RIPOR2: variants seen among roughly 807,000 people sequenced by gnomAD.
RIPOR2 encodes the protein rho family-interacting cell polarization regulator 2.
In RIPOR2, 39 loss-of-function variants were observed where a neutral mutation model predicts 114.5. The observed-to-expected ratio is 0.34, with a 90% CI of 0.26 to 0.44. The LOEUF (loss-of-function observed/expected upper bound fraction) is 0.44. RIPOR2 is among the 20% of genes least tolerant of loss of function. The pLI, the probability that RIPOR2 is intolerant of heterozygous loss-of-function variation, is 1.00. For missense variants in RIPOR2, 1,007 were observed against 1,255.1 expected, an observed-to-expected ratio of 0.80 and a Z score of 2.99; for synonymous variants, 445 against 484.4, an observed-to-expected ratio of 0.92 and a Z score of 1.07.
intron 10 of RIPOR2, among the ~76,000 whole-genome samples, chr6:24,850,241 C>G (rs1762742735): frequency 6.6e-6 from 1 of 151,818 alleles, no homozygotes; most frequent in African/African-American, 2.4e-5. Flanking sequence ...GGACTACAGG[C>G]ACACGGACCA....
intron 1 of RIPOR2, among the ~76,000 whole-genome samples, chr6:24,996,671 G>T (rs1239598708): frequency 6.6e-6 from 1 of 152,206 alleles, no homozygotes; most frequent in African/African-American, 2.4e-5. Flanking sequence ...ACACCCAGGT[G>T]AGAGGCTTCT....
chr6:24,981,069 C>T (rs1407633469), intron 1 of RIPOR2, among the ~76,000 whole-genome samples: 1 of 152,140 alleles, frequency 6.6e-6, no homozygotes, highest in Admixed American at 6.5e-5. Flanking sequence ...GTTGCCACTG[C>T]TTTTGCTCTC....
chr6:24,933,487 G>A (rs1448051053), intron 1 of RIPOR2, among the ~76,000 whole-genome samples: 1 of 151,834 alleles, frequency 6.6e-6, no homozygotes. Context: ...AGCTGGACAT[G>A]CTTTCACATA....
At chr6:24,882,531 T>C (rs1401719836) in intron 1 of RIPOR2, among the ~76,000 whole-genome samples, 3 of 152,212 alleles carry the variant, frequency 2.0e-5, no homozygotes, top group Non-Finnish European at 2.9e-5. Flanking sequence ...TATGATTCAG[T>C]ACATTATTTT....
chr6:24,971,772 T>C (rs1773799103), intron 1 of RIPOR2, among the ~76,000 whole-genome samples: 1 of 152,244 alleles, frequency 6.6e-6, no homozygotes, highest in Non-Finnish European at 1.5e-5. Context: ...CCTTGAGCAC[T>C]GAACTCCAAA....
intron 7 of RIPOR2, among the ~76,000 whole-genome samples, chr6:24,862,493 A>G (rs915130092): frequency 4.6e-5 from 7 of 152,196 alleles, no homozygotes; most frequent in Admixed American, 1.3e-4. Flanking sequence ...CTCTCATGGG[A>G]TGCAAAGAGA....
intron 8 of RIPOR2, among the ~76,000 whole-genome samples, chr6:24,856,061 A>G (rs1763442435): frequency 6.6e-6 from 1 of 152,152 alleles, no homozygotes; most frequent in Non-Finnish European, 1.5e-5. Context: ...GTAAGTTGAG[A>G]GTCTTAAATG....
At chr6:24,882,913 C>CGGA (rs1766486603) in intron 1 of RIPOR2, among the ~76,000 whole-genome samples, 1 of 152,102 alleles carries the variant, frequency 6.6e-6, no homozygotes, top group Non-Finnish European at 1.5e-5. Flanking sequence ...ATTACATGTG[C>CGGA]CTTTTATTTC....
intron 1 of RIPOR2, among the ~76,000 whole-genome samples, chr6:25,018,929 T>G (rs950343537): frequency 1.3e-5 from 2 of 152,206 alleles, no homozygotes; most frequent in Admixed American, 1.3e-4. Context: ...TCATGAGGAC[T>G]GCAAAATAGT....
At chr6:25,031,868 C>A (rs1777000658) in intron 1 of RIPOR2, among the ~76,000 whole-genome samples, 1 of 147,264 alleles carries the variant, frequency 6.8e-6, no homozygotes, top group Non-Finnish European at 1.5e-5. Flanking sequence ...AGTATATTCA[C>A]TGTATAATTA....
intron 1 of RIPOR2, among the ~76,000 whole-genome samples, chr6:24,965,654 A>C (rs1773496106): frequency 6.6e-6 from 1 of 152,218 alleles, no homozygotes; most frequent in South Asian, 2.1e-4. Context: ...CCGACTACAC[A>C]TAGTTTCTTT....
intron 1 of RIPOR2, among the ~76,000 whole-genome samples, chr6:24,941,753 T>G (rs529949763): frequency 6.6e-6 from 1 of 152,314 alleles, no homozygotes; most frequent in Admixed American, 6.5e-5. Context: ...TTAACTGAGA[T>G]GGGAATCCTT....
chr6:24,930,165 A>G lies in RIPOR2; in HGVS notation c.61+5673T>C, dbSNP rs184705749. On this transcript the variant is annotated intron_variant, in intron 1 of 21. Transcript: ENST00000643898. ...GTGTAAGTGAAGTGGCTTCTATCAA[A>G]AAGAGAGGTGGGAGTGCAACCCTCC... Among the ~76,000 whole-genome samples, 783 of 152,316 alleles carry G rather than the reference A, an allele frequency of 5.1e-3. 5 individuals are homozygous for G. The highest frequency in any genetic ancestry group is 0.016 in the African/African-American group (654 of 41,564).
intron 1 of RIPOR2, among the ~76,000 whole-genome samples, chr6:25,003,395 T>C (rs58840231): frequency 0.039 from 5,469 of 141,106 alleles, 366 homozygotes; most frequent in African/African-American, 0.13. Flanking sequence ...ATTATTATTA[T>C]TATTATTATT....
rs1290516728 is a variant in RIPOR2, at chr6:24,898,446, G to T, written c.62-22629C>A. ...ACAAAATCTGATTATGGCAAGTAAAGTTGCCTTAGATAAGTTGTATCACTT... is the reference window on the plus strand; with the variant it reads ...ACAAAATCTGATTATGGCAAGTAAATTTGCCTTAGATAAGTTGTATCACTT... On this transcript the variant is annotated intron_variant, in intron 1 of 21. Transcript: ENST00000643898. 3.3e-5 allele frequency: 5 copies of T among 152,204 alleles called. No individual in the cohort carries two copies. In the East Asian group the frequency reaches 9.6e-4, roughly 29 times the overall value. The allele number at this position is 152,204 out of a possible 1,614,324, so 9.4% of individuals were successfully genotyped here.
At chr6:25,040,895 T>C (rs1201630873) in intron 1 of RIPOR2, among the ~76,000 whole-genome samples, 1 of 152,202 alleles carries the variant, frequency 6.6e-6, no homozygotes, top group African/African-American at 2.4e-5. Flanking sequence ...CTGCCTGCTT[T>C]TTTTGAAAAA....
intron 1 of RIPOR2, among the ~76,000 whole-genome samples, chr6:24,954,526 G>A (rs576853781): frequency 6.9e-6 from 1 of 144,900 alleles, no homozygotes; most frequent in Admixed American, 7.3e-5. Flanking sequence ...TGTTATCATG[G>A]CTCAGTGCAG....
chr6:25,031,753 A>AT (rs1561855958), intron 1 of RIPOR2, among the ~76,000 whole-genome samples: 2 of 104,968 alleles, frequency 1.9e-5, no homozygotes, highest in South Asian at 3.1e-4. Flanking sequence ...ATATATATAA[A>AT]ATATCCATAG....
intron 14 of RIPOR2, among the ~76,000 whole-genome samples, chr6:24,836,838 T>C (rs1357216230): frequency 2.6e-5 from 4 of 152,060 alleles, no homozygotes; most frequent in African/African-American, 9.7e-5. Context: ...ACACTCTCTC[T>C]CTCTCTCTGT....
Sources: gnomAD v4.1 joint callset for allele counts (sites outside exome capture counted in the v4.1 genomes callset) on GRCh38, gnomAD v4.1.1 for gene constraint, MANE v1.5 for transcripts, NCBI Gene and HGNC (gene_info 2026-07-23, HGNC 2026-07-21) for gene names.